Variants in ARHGAP4 observed in about 807,000 individuals in gnomAD.
The protein encoded by ARHGAP4 is rho GTPase-activating protein 4.
A neutral mutation model predicts 67.6 loss-of-function variants in ARHGAP4; 25 were observed. The observed-to-expected ratio is 0.37, with a 90% CI of 0.27 to 0.52. ARHGAP4 has a LOEUF of 0.52. Among genes scored for constraint, ARHGAP4 ranks in the 20% least tolerant of loss-of-function variants. The pLI is 0.92. For synonymous variants in ARHGAP4, 448 were observed against 373.7 expected (o/e 1.20, Z -2.29); for missense variants, 804 against 854.6 (o/e 0.94, Z 0.74).
At chrX:153,908,019 C>T in intron 21 of ARHGAP4, 57 bp from the exon 22 acceptor site, 1 of 1,037,290 alleles carries the variant, frequency 9.6e-7, no homozygotes. Context: ...CTGACCCTGC[C>T]CAAGACCCAC....
chrX:153,917,419 T>C (rs1557104392), intron 7 of ARHGAP4, among the ~76,000 whole-genome samples: 1 of 108,536 alleles, frequency 9.2e-6, no homozygotes, highest in African/African-American at 3.4e-5. Context: ...TCAAAAAAAA[T>C]AAAAGCTTCA....
intron 12 of ARHGAP4, among the ~76,000 whole-genome samples, chrX:153,911,710 G>A (rs782256870): frequency 1.2e-4 from 13 of 111,425 alleles, no homozygotes; most frequent in Admixed American, 2.9e-4. Flanking sequence ...TCAGAAGTTC[G>A]AGACCAACCT....
Position 153,911,142 on chromosome X carries a change from G to T in ARHGAP4, c.1590C>A (p.Phe530Leu). 8.5e-7 allele frequency: 1 copy of T among 1,170,318 alleles called. No individual in the cohort carries two copies. The highest frequency in any genetic ancestry group is 1.1e-6 in the Non-Finnish European group (1 of 874,130). The change falls in exon 13 of 22, where the codon TTC (phenylalanine) becomes TTA (leucine). Residue 530 changes from phenylalanine to leucine, a missense_variant. By Grantham distance (22) the Phe-to-Leu change is conservative (BLOSUM62 0). This residue lies in a region of ARHGAP4 where 404 missense variants were observed against 505.9 expected (regional missense o/e 0.80). Transcript: ENST00000350060. ...VPLVVESCIR[F>L]INLNGLQHEG... is the part of the protein sequence containing the mutation. ...GGTCCTGCTTACCATTGAGGTTGATGAAGCGAATGCAGCTCTCCACCACCA... is the reference window on the plus strand; with the variant it reads ...GGTCCTGCTTACCATTGAGGTTGATTAAGCGAATGCAGCTCTCCACCACCA...
Position 153,919,144 on chromosome X carries a change from C to T in ARHGAP4, c.810+11G>A. 1 of 1,211,968 alleles carries T rather than the reference C, an allele frequency of 8.3e-7. No homozygotes were observed. Among genetic ancestry groups the T allele is most frequent in the Non-Finnish European group, 1.1e-6 (1 of 895,454 alleles). On this transcript the variant is annotated intron_variant, in intron 6 of 21. Coordinates refer to ENST00000350060, the MANE Select transcript of ARHGAP4 (RefSeq NM_001666.5). ...CAGGCACCTTTTCCCACCTGCCCAC[C>T]AAGGACTCACGTCCATGAGGTCCAA...
chrX:153,909,448 G>A lies in ARHGAP4; in HGVS notation c.2502C>T (p.Val834=), dbSNP rs919316738. ...SPEGLLASEL[V]HRPEPCTSPE... ...AGCCCCGTCTTCTTGCTCACCGGTG[G>A]ACCAGCTCCGATGCCAGGAGGCCCT... is the stretch of plus-strand genomic sequence containing the variant. Residue 834 remains valine, a synonymous_variant, in exon 20 of 22, where the codon GTC becomes GTT. Transcript: ENST00000350060. The A allele has an allele frequency of 3.3e-6, 4 of 1,199,049 alleles. No individual in the cohort carries two copies. Among genetic ancestry groups the A allele is most frequent in the Non-Finnish European group, 3.4e-6 (3 of 888,865 alleles).
intron 7 of ARHGAP4, among the ~76,000 whole-genome samples, chrX:153,916,676 C>T (rs1557104294): frequency 2.6e-5 from 3 of 113,272 alleles, no homozygotes; most frequent in Non-Finnish European, 1.9e-5. Context: ...CAAACAGACA[C>T]GATCAGCAGA....
intron 5 of ARHGAP4, chrX:153,919,779 CTATTTTTTTTT>C (rs2065080195): frequency 1.2e-6 from 1 of 853,015 alleles, no homozygotes; most frequent in African/African-American, 2.2e-5. Context: ...AACTGGCACT[CTATTTTTTTTT>C]TATTTTTTTT....
intron 5 of ARHGAP4, chrX:153,919,795 T>A (rs1894033562): frequency 9.3e-6 from 8 of 859,827 alleles, no homozygotes; most frequent in Non-Finnish European, 1.2e-5. Context: ...TTTTTTTATT[T>A]TTTTTTTTTG....
At chrX:153,918,507 T>A (rs1343445269) in intron 7 of ARHGAP4, among the ~76,000 whole-genome samples, 1 of 112,664 alleles carries the variant, frequency 8.9e-6, no homozygotes, top group Non-Finnish European at 1.9e-5. Flanking sequence ...CGGAGAAGGA[T>A]AAAGAAGCCC....
chrX:153,925,187 G>C (rs907836247), intron 1 of ARHGAP4, among the ~76,000 whole-genome samples: 1 of 112,050 alleles, frequency 8.9e-6, no homozygotes, highest in Non-Finnish European at 1.9e-5. Flanking sequence ...GCTGGCTCTG[G>C]ACACAGGCTG....
chrX:153,914,420 G>A (rs917656102), intron 7 of ARHGAP4, among the ~76,000 whole-genome samples: 7 of 112,807 alleles, frequency 6.2e-5, no homozygotes, highest in African/African-American at 1.9e-4. Flanking sequence ...TGGTGGCCCG[G>A]CGCAGTGGCT....
chrX:153,922,745 G>A (rs782734260), intron 1 of ARHGAP4, among the ~76,000 whole-genome samples: 6 of 112,301 alleles, frequency 5.3e-5, no homozygotes, highest in Non-Finnish European at 9.4e-5. Context: ...GGAGGGACAT[G>A]AATTGATGTC....
chrX:153,918,368 C>T (rs372060237), intron 7 of ARHGAP4, among the ~76,000 whole-genome samples: 19 of 111,545 alleles, frequency 1.7e-4, no homozygotes, highest in Admixed American at 8.6e-4. Flanking sequence ...GCAGCTGTGA[C>T]GCCATCGGAA....
At position 153,920,743 on chromosome X, in the gene ARHGAP4, G is replaced by C; in HGVS notation, c.564C>G (p.Ala188=). 8.3e-7 allele frequency: 1 copy of C among 1,211,966 alleles called. No homozygotes were observed. The highest frequency in any genetic ancestry group is 1.1e-6 in the Non-Finnish European group (1 of 895,580). The stretch of plus-strand genomic sequence containing the variant: ...CTGCCCGCTTCTCCTCCTGCCGCTC[G>C]GCCTCCCGGAGCTTGGCCTCGGCAT... ...SVNAEAKLRE[A]ERQEEKRAGR... The change falls in exon 5 of 22, where the codon GCC becomes GCG. Residue 188 remains alanine, a synonymous_variant. Coordinates refer to ENST00000350060, the MANE Select transcript of ARHGAP4 (RefSeq NM_001666.5).
At chrX:153,913,633 G>A (rs182197969) in intron 8 of ARHGAP4, 33 bp from the exon 9 acceptor site, 2 of 1,186,549 alleles carry the variant, frequency 1.7e-6, no homozygotes, top group African/African-American at 3.5e-5. Flanking sequence ...GTGGTAAGAG[G>A]TGGGGGACAG....
chrX:153,922,554 A>G (rs1205493166), intron 1 of ARHGAP4: 1 of 399,606 alleles, frequency 2.5e-6, no homozygotes, highest in African/African-American at 2.8e-5. Context: ...CACTGGCTTG[A>G]TTTGGCAACG....
At chrX:153,908,855 A>G (rs2064993241) in intron 21 of ARHGAP4, among the ~76,000 whole-genome samples, 1 of 111,864 alleles carries the variant, frequency 8.9e-6, no homozygotes, top group Non-Finnish European at 1.9e-5. Flanking sequence ...CTGCCTCCGT[A>G]GCCGTCCCTC....
intron 1 of ARHGAP4, among the ~76,000 whole-genome samples, 180 bp downstream of exon 1, chrX:153,925,956 G>A (rs2065125148): frequency 8.9e-6 from 1 of 112,756 alleles, no homozygotes; most frequent in South Asian, 3.6e-4. Context: ...AATGGCAGGC[G>A]GTTGAGGCCA....
At chrX:153,919,518 C>G in intron 5 of ARHGAP4, 1 of 1,137,362 alleles carries the variant, frequency 8.8e-7, no homozygotes, top group Non-Finnish European at 1.2e-6. Context: ...GTTCGAGCCA[C>G]AACATTCCCC....
Sources: gnomAD v4.1 joint callset for allele counts (sites outside exome capture counted in the v4.1 genomes callset) on GRCh38, gnomAD v4.1.1 for gene constraint, gnomAD v4.1.1 regional missense constraint, MANE v1.5 for transcripts, NCBI Gene and HGNC (gene_info 2026-07-23, HGNC 2026-07-21) for gene names.